Variants in E4F1 observed in about 807,000 individuals in gnomAD.
The protein encoded by E4F1 is transcription factor E4F1.
A neutral mutation model predicts 72.9 loss-of-function variants in E4F1; 30 were observed. The ratio of observed to expected loss-of-function variants is 0.41; its 90% CI spans 0.31 to 0.56. The LOEUF (loss-of-function observed/expected upper bound fraction) is 0.56. Ranked by LOEUF, E4F1 falls within the 20% of genes least tolerant of loss-of-function variation. The pLI is 0.25. For synonymous variants in E4F1, 542 were observed against 478.2 expected (o/e 1.13, Z -1.74); for missense variants, 1,091 against 1,117.5 (o/e 0.98, Z 0.34).
intron 3 of E4F1, 79 bp from the exon 4 acceptor site, chr16:2,232,092 C>T: frequency 1.3e-6 from 2 of 1,563,778 alleles, no homozygotes; most frequent in Non-Finnish European, 1.7e-6. Flanking sequence ...GCAGCAGGTC[C>T]CCTCCCCTGG....
rs773486881 is a variant in E4F1 at position 2,235,524 on chromosome 16, C to A, written c.2307C>A (p.Val769=). Reference sequence around the variant, plus strand: ...TCCTGGAGCATGCAGGCGAGCTGGTCATCGCCTCGCCGGAGGGCCAGCTGG... The same window carrying A: ...TCCTGGAGCATGCAGGCGAGCTGGTAATCGCCTCGCCGGAGGGCCAGCTGG... The part of the protein sequence containing the change: ...IEILEHAGEL[V]IASPEGQLEV... Residue 769 remains valine (V), a synonymous_variant, in exon 14 of 14, where the codon GTC becomes GTA. Coordinates refer to ENST00000301727, the MANE Select transcript of E4F1 (RefSeq NM_004424.5). 5.6e-6 allele frequency: 9 copies of A among 1,605,898 alleles called. No individual in the cohort carries two copies. The highest frequency in any genetic ancestry group is 4.0e-5 in the African/African-American group (3 of 74,794).
intron 8 of E4F1, 45 bp downstream of exon 8, chr16:2,233,692 C>A (rs564088935): frequency 5.9e-6 from 9 of 1,516,254 alleles, no homozygotes; most frequent in Middle Eastern, 2.3e-4. Context: ...GGCTGGATCC[C>A]AGGGGCTGTC....
rs897318401 is a variant in E4F1 at position 2,235,139 on chromosome 16, C to A, written c.1994C>A (p.Thr665Lys). The stretch of plus-strand genomic sequence containing the variant: ...ACGGAGATCATCGAGGGCACCCAGA[C>A]AGAGGTGAGGGGTAGGGCAGGCGGG... ...EATEIIEGTQ[T>K]EVDSHIMKVV... Residue 665 changes from threonine (T) to lysine (K), a missense_variant, in exon 13 of 14, where the codon ACA becomes AAA. Transcript: ENST00000301727. 1.2e-6 allele frequency: 2 copies of A among 1,611,780 alleles called. No homozygotes were observed. Among genetic ancestry groups the A allele is most frequent in the Non-Finnish European group, 1.7e-6 (2 of 1,179,792 alleles).
chr16:2,232,420 CA>C, intron 4 of E4F1, 35 bp from the exon 5 acceptor site: 3 of 1,605,164 alleles, frequency 1.9e-6, no homozygotes, highest in Non-Finnish European at 2.6e-6. Context: ...CCTGTTCCCC[CA>C]GGAGGGCCCT....
chr16:2,232,670 A>T (rs2093475366), intron 5 of E4F1, 86 bp from the exon 6 acceptor site: 2 of 1,604,536 alleles, frequency 1.2e-6, no homozygotes, highest in Non-Finnish European at 1.7e-6. Context: ...TTGGGGGATG[A>T]GGCGGGGGCC....
rs1035129745 is a variant in E4F1, at chr16:2,234,451, CA to C, written c.1593+64del. 13 of 1,593,062 alleles carry C rather than the reference CA, an allele frequency of 8.2e-6. No homozygotes were observed. The African/African-American group carries it at 1.5e-4, about 18-fold the overall frequency. On this transcript the variant is annotated intron_variant, in intron 10 of 13. Coordinates refer to ENST00000301727, the MANE Select transcript of E4F1 (RefSeq NM_004424.5). ...CCCATCCTGCTCCCTGGCCGTGGCC[CA>C]GGTGCACCCCCTTCCCTGCCTCCAC...
chr16:2,227,724 C>T (rs2093440456), intron 1 of E4F1, among the ~76,000 whole-genome samples: 2 of 152,090 alleles, frequency 1.3e-5, no homozygotes, highest in Admixed American at 1.3e-4. Context: ...TGGTCTCGAA[C>T]TCCTGACCTC....
At position 2,234,689 on chromosome 16, in the gene E4F1, G is replaced by A. The variant is rs1434984624; in HGVS notation, c.1700G>A (p.Arg567Gln). The A allele has an allele frequency of 1.9e-6, 3 of 1,578,078 alleles. No individual in the cohort carries two copies. Among genetic ancestry groups the A allele is most frequent in the African/African-American group, 1.3e-5 (1 of 74,166 alleles). The change falls in exon 11 of 14, where the codon CGA (arginine) becomes CAA (glutamine). Residue 567 changes from arginine to glutamine, a missense_variant. Around this residue, in one of 5 missense-constraint regions of E4F1, gnomAD observed 622 missense variants for 628.0 expected, o/e 0.99. Transcript: ENST00000301727. ...AAGGGCTCACTGGTGCGGCACGTGC[G>A]ACACCACACAGGCGAGAAGCCGTTC... ...REKGSLVRHV[R>Q]HHTGEKPFKC...
Position 2,233,934 on chromosome 16 carries a change from G to A in E4F1, c.1319G>A (p.Cys440Tyr), listed in dbSNP as rs760382740. 1 of 1,604,090 alleles carries A rather than the reference G, an allele frequency of 6.2e-7. No individual in the cohort carries two copies. Among genetic ancestry groups the A allele is most frequent in the Non-Finnish European group, 8.5e-7 (1 of 1,175,790 alleles). ...AVPRTHPCPQ[C>Y]SETFPTAATL... ...CCCAGGACCCACCCATGTCCTCAGT[G>A]CAGTGAGACCTTCCCGACAGCAGCC... Residue 440 changes from cysteine (C) to tyrosine (Y), a missense_variant, in exon 9 of 14, where the codon TGC becomes TAC. This residue lies in a region of E4F1 where 622 missense variants were observed against 628.0 expected (regional missense o/e 0.99). Transcript: ENST00000301727.
Position 2,227,927 on chromosome 16 carries a change from G to T in E4F1, c.158-445G>T, listed in dbSNP as rs909156479. 9.4e-5 allele frequency among the ~76,000 whole-genome samples: 14 copies of T among 148,770 alleles called. No homozygotes were observed. In the Admixed American group the frequency reaches 9.6e-4, roughly 10 times the overall value. ...TATCCTCCCACCTTGGCCCCTTAAA[G>T]TGCTGAGATTACAAGTGTGAGCCAC... On this transcript the variant is annotated intron_variant, in intron 1 of 13. Transcript: ENST00000301727.
chr16:2,234,906 C>T lies in E4F1; in HGVS notation c.1840C>T (p.Pro614Ser), dbSNP rs1278619265. 2 of 1,552,066 alleles carry T rather than the reference C, an allele frequency of 1.3e-6. No homozygotes were observed. Among genetic ancestry groups the T allele is most frequent in the Admixed American group, 2.0e-5 (1 of 51,148 alleles). ...VEELLVSEDS[P>S]AAATTVLTED... ...GGAGTTGCTGGTGTCTGAGGACAGC[C>T]CCGCGGCAGCCACCACCGTCCTCAC... The change falls in exon 12 of 14, where the codon CCC becomes TCC. Residue 614 changes from proline (P) to serine (S), a missense_variant. Coordinates refer to ENST00000301727, the MANE Select transcript of E4F1 (RefSeq NM_004424.5).
chr16:2,224,979 A>C (rs958334265), intron 1 of E4F1, among the ~76,000 whole-genome samples: 1 of 150,976 alleles, frequency 6.6e-6, no homozygotes, highest in Non-Finnish European at 1.5e-5. Flanking sequence ...TTGGGAGGCC[A>C]AGGTGGGTGG....
At chr16:2,233,768 T>C in intron 8 of E4F1, 114 bp from the exon 9 acceptor site, 1 of 1,424,588 alleles carries the variant, frequency 7.0e-7, no homozygotes, top group Non-Finnish European at 9.5e-7. Flanking sequence ...ATCTGTTTAC[T>C]GCCTTCCCTG....
intron 1 of E4F1, chr16:2,224,009 G>T: frequency 7.0e-7 from 1 of 1,435,576 alleles, no homozygotes. Context: ...AAGTGCTCGC[G>T]GGTTGCTGAG....
At position 2,233,920 on chromosome 16, in the gene E4F1, C is replaced by T; in HGVS notation, c.1305C>T (p.His435=). The T allele has an allele frequency of 2.5e-6, 4 of 1,603,692 alleles. No homozygotes were observed. The highest frequency in any genetic ancestry group is 3.4e-6 in the Non-Finnish European group (4 of 1,175,656). Reference sequence around the variant, plus strand: ...AGGCCTCAGCGGTGCCCAGGACCCACCCATGTCCTCAGTGCAGTGAGACCT... The same window carrying T: ...AGGCCTCAGCGGTGCCCAGGACCCATCCATGTCCTCAGTGCAGTGAGACCT... ...ASEASAVPRT[H]PCPQCSETFP... is the part of the protein sequence containing the mutation. Residue 435 remains histidine, a synonymous_variant, in exon 9 of 14, where the codon CAC becomes CAT. Transcript: ENST00000301727.
At chr16:2,229,803 G>A (rs372466046) in intron 3 of E4F1, 128 bp downstream of exon 3, 12 of 981,396 alleles carry the variant, frequency 1.2e-5, no homozygotes, top group African/African-American at 1.6e-5. Context: ...CCGCGGCCTC[G>A]TGGCAGCCTT....
Position 2,232,771 on chromosome 16 carries a change from A to G in E4F1, c.746A>G (p.Lys249Arg). The change falls in exon 6 of 14, where the codon AAG becomes AGG. Residue 249 changes from lysine to arginine, a missense_variant. Lys to Arg is a conservative substitution (Grantham distance 26). Around this residue, in one of 5 missense-constraint regions of E4F1, gnomAD observed 362 missense variants for 358.6 expected, o/e 1.01. Coordinates refer to ENST00000301727, the MANE Select transcript of E4F1 (RefSeq NM_004424.5). ...HRRHTDERPY[K>R]CSKCGKSFRE... is the part of the protein sequence containing the mutation. ...CTCTCTGCAGATGAGCGCCCCTACA[A>G]GTGCTCCAAGTGTGGAAAGAGCTTC... 6.2e-7 allele frequency: 1 copy of G among 1,613,272 alleles called. No homozygotes were observed. Among genetic ancestry groups the G allele is most frequent in the Non-Finnish European group, 8.5e-7 (1 of 1,179,992 alleles).
chr16:2,231,981 C>A, intron 3 of E4F1, 190 bp from the exon 4 acceptor site: 1 of 679,018 alleles, frequency 1.5e-6, no homozygotes, highest in Non-Finnish European at 2.5e-6. Context: ...GGTGTCTCTC[C>A]ACCTCTCACT....
At chr16:2,227,292 C>T (rs1008121417) in intron 1 of E4F1, among the ~76,000 whole-genome samples, 1 of 152,328 alleles carries the variant, frequency 6.6e-6, no homozygotes, top group Admixed American at 6.5e-5. Flanking sequence ...TTACTGCAAC[C>T]TTCGCCTCCC....
Sources: allele counts gnomAD v4.1 joint callset (sites outside exome capture counted in the v4.1 genomes callset), GRCh38; gene constraint gnomAD v4.1.1; regional missense constraint gnomAD v4.1.1; transcripts MANE v1.5; gene names NCBI Gene and HGNC (gene_info 2026-07-23, HGNC 2026-07-21).